NMBR: variants seen among roughly 807,000 people sequenced by gnomAD.
NMBR encodes neuromedin B receptor.
A neutral mutation model predicts 20.5 loss-of-function variants in NMBR; 16 were observed. The ratio of observed to expected loss-of-function variants is 0.78; its 90% CI spans 0.53 to 1.19. The LOEUF is 1.19. Among genes scored for constraint, NMBR ranks in the 50% most tolerant of loss-of-function variants. NMBR has a pLI of 0.00. For missense variants in NMBR, 582 were observed against 499.1 expected, an observed-to-expected ratio of 1.17 and a Z score of -1.58; for synonymous variants, 212 against 196.6, an observed-to-expected ratio of 1.08 and a Z score of -0.65.
At chr6:142,097,686 A>T (rs968435200) in intron 1 of NMBR, among the ~76,000 whole-genome samples, 4 of 152,150 alleles carry the variant, frequency 2.6e-5, no homozygotes, top group African/African-American at 9.6e-5. Context: ...ATTACCAACC[A>T]TGAAAATCAG....
Position 142,122,486 on chromosome 6 carries a change from T to C in NMBR, c.-664+24558A>G, listed in dbSNP as rs111925191. On this transcript the variant is annotated intron_variant, in intron 1 of 3. Coordinates refer to ENST00000258042, the MANE Select transcript of NMBR (RefSeq NM_002511.4). ...AGTTATGCAGAAGATCTAAAATAAT[T>C]GATGAAGGTGGCAACACAAAACAAC... 7.0e-3 allele frequency among the ~76,000 whole-genome samples: 1,065 copies of C among 152,060 alleles called. 15 individuals are homozygous for C. The highest frequency in any genetic ancestry group is 0.024 in the African/African-American group (1,015 of 41,512).
At chr6:142,129,326 C>CA (rs1457249499) in intron 1 of NMBR, among the ~76,000 whole-genome samples, 20 of 152,184 alleles carry the variant, frequency 1.3e-4, no homozygotes, top group African/African-American at 4.8e-4. Context: ...CTAAAAACTT[C>CA]AAGCAAATTT....
chr6:142,137,757 T>G (rs1778287115), intron 1 of NMBR, among the ~76,000 whole-genome samples: 1 of 152,162 alleles, frequency 6.6e-6, no homozygotes, highest in Non-Finnish European at 1.5e-5. Flanking sequence ...GATAATCATG[T>G]GGTTTTTGTC....
intron 1 of NMBR, among the ~76,000 whole-genome samples, chr6:142,119,393 G>A (rs1365831756): frequency 6.6e-6 from 1 of 151,916 alleles, no homozygotes; most frequent in Admixed American, 6.6e-5. Context: ...GTTGCCATTG[G>A]CTGGTGCCCC....
intron 1 of NMBR, among the ~76,000 whole-genome samples, chr6:142,119,779 A>C (rs1303754500): frequency 6.6e-6 from 1 of 151,958 alleles, no homozygotes; most frequent in South Asian, 2.1e-4. Context: ...TGAAACAAAG[A>C]GTTTCAGAGT....
chr6:142,084,300 C>T (rs1273454512), intron 2 of NMBR, among the ~76,000 whole-genome samples: 1 of 152,116 alleles, frequency 6.6e-6, no homozygotes, highest in Admixed American at 6.5e-5. Context: ...TGTCTACTGA[C>T]CTAGTTATGG....
chr6:142,133,351 A>G (rs1207496434), intron 1 of NMBR, among the ~76,000 whole-genome samples: 1 of 152,182 alleles, frequency 6.6e-6, no homozygotes, highest in Non-Finnish European at 1.5e-5. Flanking sequence ...ATTTAAAACT[A>G]TAAAGAGAAA....
intron 2 of NMBR, among the ~76,000 whole-genome samples, chr6:142,081,102 A>G (rs1192689574): frequency 1.3e-5 from 2 of 152,160 alleles, no homozygotes; most frequent in African/African-American, 2.4e-5. Flanking sequence ...CCTTTTTTAC[A>G]TAGATAGATC....
intron 1 of NMBR, among the ~76,000 whole-genome samples, chr6:142,106,913 CAA>C (rs1245144483): frequency 6.6e-6 from 1 of 152,076 alleles, no homozygotes; most frequent in Non-Finnish European, 1.5e-5. Flanking sequence ...TAAAGTATAC[CAA>C]CACACATCCT....
Position 142,088,892 on chromosome 6 carries a change from G to T in NMBR, c.-234C>A. 19 of 371,962 alleles carry T rather than the reference G, an allele frequency of 5.1e-5. No individual in the cohort carries two copies. The highest frequency in any genetic ancestry group is 1.2e-4 in the East Asian group (3 of 25,832). 23.0% of individuals were successfully genotyped at this position (371,962 alleles called of 1,614,324 possible). A position where few individuals can be genotyped will look rare whatever the true frequency, so the allele number is the denominator to read the frequency against. ...GGGGGAAATGGCTCCGGCTAACTCT[G>T]AATTTAAATTAAAAAAAAAAAAAAA... On this transcript the variant is annotated 5_prime_UTR_variant, in exon 2 of 4. Coordinates refer to ENST00000258042, the MANE Select transcript of NMBR (RefSeq NM_002511.4).
intron 1 of NMBR, among the ~76,000 whole-genome samples, chr6:142,096,229 T>C (rs1378011722): frequency 6.6e-6 from 1 of 152,206 alleles, no homozygotes; most frequent in Non-Finnish European, 1.5e-5. Flanking sequence ...TCTCTAGTTC[T>C]TTTAATTGTG....
In NMBR at chr6:142,098,812, C is replaced by T. The variant is rs78043639; in HGVS notation, c.-663-9491G>A. ...CAGAAAGGTAATCTGTGGATATCAG[C>T]AAAGCGATGATAACAGGCACAAGAT... is the stretch of plus-strand genomic sequence containing the variant. On this transcript the variant is annotated intron_variant, in intron 1 of 3. Coordinates refer to ENST00000258042, the MANE Select transcript of NMBR (RefSeq NM_002511.4). Among the ~76,000 whole-genome samples the T allele has an allele frequency of 1.0e-3, 159 of 152,158 alleles. 1 individual carries two copies. Among genetic ancestry groups the T allele is most frequent in the African/African-American group, 3.5e-3 (146 of 41,534 alleles).
At position 142,075,728 on chromosome 6, in the gene NMBR, G is replaced by C. The variant is rs1329572896; in HGVS notation, c.1093C>G (p.Leu365Val). 4 of 1,613,882 alleles carry C rather than the reference G, an allele frequency of 2.5e-6. No homozygotes were observed. The highest frequency in any genetic ancestry group is 3.4e-6 in the Non-Finnish European group (4 of 1,179,920). Residue 365 changes from leucine to valine, a missense_variant, in exon 4 of 4, where the codon CTG (leucine) becomes GTG (valine). Leu to Val is a conservative substitution (Grantham distance 32). Transcript: ENST00000258042. ...LSSSAVRMTSLKSNAKNMVTN... is the reference protein window; with the variant it reads ...LSSSAVRMTSVKSNAKNMVTN... ...ACCATGTTCTTAGCATTGCTTTTCAGAGATGTCATACGCACCGCTGAAGAG... is the reference window on the plus strand; with the variant it reads ...ACCATGTTCTTAGCATTGCTTTTCACAGATGTCATACGCACCGCTGAAGAG...
At chr6:142,121,478 T>C (rs1262987485) in intron 1 of NMBR, among the ~76,000 whole-genome samples, 3 of 151,886 alleles carry the variant, frequency 2.0e-5, no homozygotes, top group African/African-American at 7.2e-5. Flanking sequence ...TGAAGGAAAT[T>C]AAAAGTGCTA....
intron 1 of NMBR, among the ~76,000 whole-genome samples, chr6:142,108,918 C>CT (rs1201303043): frequency 1.3e-5 from 2 of 152,150 alleles, no homozygotes; most frequent in African/African-American, 2.4e-5. Flanking sequence ...AAGCAAGTTA[C>CT]TTACTTCCTA....
At chr6:142,104,232 C>T (rs1028470821) in intron 1 of NMBR, among the ~76,000 whole-genome samples, 1 of 152,096 alleles carries the variant, frequency 6.6e-6, no homozygotes, top group African/African-American at 2.4e-5. Flanking sequence ...ATTTCTGTGG[C>T]CTACAATAAC....
rs1776894806 is a variant in NMBR at position 142,074,771 on chromosome 6, G to C, written c.*877C>G. ...TCGAGGATTTAGCAATGTATACTAAGATGGCCATGCAAACTTGTGAGTTGT... is the reference window on the plus strand; with the variant it reads ...TCGAGGATTTAGCAATGTATACTAACATGGCCATGCAAACTTGTGAGTTGT... On this transcript the variant is annotated 3_prime_UTR_variant, in exon 4 of 4. Coordinates refer to ENST00000258042, the MANE Select transcript of NMBR (RefSeq NM_002511.4). 2.0e-5 allele frequency among the ~76,000 whole-genome samples: 3 copies of C among 152,102 alleles called. No individual in the cohort carries two copies. The South Asian group carries it at 6.2e-4, about 32-fold the overall frequency.
chr6:142,099,109 G>T (rs1012826700), intron 1 of NMBR, among the ~76,000 whole-genome samples: 1 of 152,112 alleles, frequency 6.6e-6, no homozygotes, highest in Non-Finnish European at 1.5e-5. Context: ...GTTCTCATGC[G>T]AAAGAAATGA....
chr6:142,108,862 T>C (rs1034556934), intron 1 of NMBR, among the ~76,000 whole-genome samples: 1 of 152,182 alleles, frequency 6.6e-6, no homozygotes, highest in Non-Finnish European at 1.5e-5. Flanking sequence ...CAAAGTCTCA[T>C]CTGAGACAAG....
Sources: gnomAD v4.1 joint callset for allele counts (sites outside exome capture counted in the v4.1 genomes callset) on GRCh38, gnomAD v4.1.1 for gene constraint, MANE v1.5 for transcripts, NCBI Gene and HGNC (gene_info 2026-07-23, HGNC 2026-07-21) for gene names.